The following FBXO31 variants were observed in gnomAD, a reference collection of about 807,000 sequenced individuals.
The protein encoded by FBXO31 is F-box protein 31, also known as F-box only protein 31.
FBXO31 carries 24 observed loss-of-function variants against 54.4 expected under a neutral mutation model. The ratio of observed to expected loss-of-function variants is 0.44; its 90% CI spans 0.32 to 0.62. The LOEUF is 0.62. FBXO31 is among the 20% of genes least tolerant of loss of function. The pLI, the probability that FBXO31 is intolerant of heterozygous loss-of-function variation, is 0.05. For synonymous variants in FBXO31, 388 were observed against 335.6 expected, an observed-to-expected ratio of 1.16 and a Z score of -1.71; for missense variants, 665 against 787.1, an observed-to-expected ratio of 0.84 and a Z score of 1.86.
At chr16:87,389,809 C>G (rs1907458532) in exon 1 of FBXO31, 1 of 152,106 alleles carries the variant, frequency 6.6e-6, no homozygotes, top group Non-Finnish European at 1.5e-5. Context: ...TGTCCTAGAT[C>G]ATGTGAAGGC....
rs1189125019 is a variant in FBXO31 at position 87,328,255 on chromosome 16, C to G, written c.*3033G>C. 6.6e-6 allele frequency: 1 copy of G among 152,300 alleles called. No individual in the cohort carries two copies. The highest frequency in any genetic ancestry group is 1.5e-5 in the Non-Finnish European group (1 of 68,074). The allele number at this position is 152,300 out of a possible 1,614,324, so 9.4% of individuals were successfully genotyped here. On this transcript the variant is annotated 3_prime_UTR_variant, in exon 9 of 9. Coordinates refer to ENST00000311635, the MANE Select transcript of FBXO31 (RefSeq NM_024735.5). ...AAAAATCTCCAGCTCAGACCCGGTT[C>G]TGCACAAAGCTCAGAATGGAGCGGC...
chr16:87,332,565 T>C (rs1904897415), intron 8 of FBXO31, among the ~76,000 whole-genome samples: 1 of 152,166 alleles, frequency 6.6e-6, no homozygotes, highest in African/African-American at 2.4e-5. Flanking sequence ...TATGCCTCTC[T>C]CTGTAAACCC....
intron 2 of FBXO31, among the ~76,000 whole-genome samples, chr16:87,360,023 C>G (rs1242865951): frequency 6.6e-6 from 1 of 152,196 alleles, no homozygotes; most frequent in Non-Finnish European, 1.5e-5. Context: ...ACACCCAAGT[C>G]GCTCTGGTGC....
rs958009575 is a variant in FBXO31 at position 87,330,376 on chromosome 16, G to A, written c.*912C>T. ...TATGGGCACTCCTGGCACCTGTGTG[G>A]ACCACTCACTGCTTCAGACACACGG... is the stretch of plus-strand genomic sequence containing the variant. On this transcript the variant is annotated 3_prime_UTR_variant, in exon 9 of 9. Transcript: ENST00000311635. 3.3e-5 allele frequency: 5 copies of A among 152,310 alleles called. No individual in the cohort carries two copies. The highest frequency in any genetic ancestry group is 1.2e-4 in the African/African-American group (5 of 41,466). The allele number at this position is 152,310 out of a possible 1,614,324, so 9.4% of individuals were successfully genotyped here. A position where few individuals can be genotyped will look rare whatever the true frequency, so the allele number is the denominator to read the frequency against.
chr16:87,362,958 C>A (rs1049341169), intron 1 of FBXO31, among the ~76,000 whole-genome samples: 32 of 152,242 alleles, frequency 2.1e-4, no homozygotes, highest in African/African-American at 7.7e-4. Context: ...GGACCTTTGT[C>A]CTCCCTTCAG....
intron 1 of FBXO31, among the ~76,000 whole-genome samples, chr16:87,376,800 G>C (rs1312761786): frequency 6.6e-6 from 1 of 152,134 alleles, no homozygotes; most frequent in Non-Finnish European, 1.5e-5. Flanking sequence ...ACAAGGCTGG[G>C]GCCAGCCCTG....
chr16:87,380,660 T>C (rs1477773106), intron 1 of FBXO31, among the ~76,000 whole-genome samples: 5 of 152,352 alleles, frequency 3.3e-5, no homozygotes, highest in Non-Finnish European at 5.9e-5. Flanking sequence ...AGTGTGTTTT[T>C]AATGTCTCAA....
upstream of FBXO31, among the ~76,000 whole-genome samples, chr16:87,388,046 G>A (rs1907385846): frequency 6.6e-6 from 1 of 152,188 alleles, no homozygotes; most frequent in Non-Finnish European, 1.5e-5. Context: ...TATAAACACA[G>A]CAGTCCTACA....
intron 1 of FBXO31, among the ~76,000 whole-genome samples, chr16:87,369,009 G>A (rs987203196): frequency 1.3e-5 from 2 of 151,924 alleles, no homozygotes; most frequent in Non-Finnish European, 2.9e-5. Flanking sequence ...GCCATGTCTC[G>A]AACTCCTGAC....
chr16:87,342,564 A>G (rs1268238588), intron 5 of FBXO31, among the ~76,000 whole-genome samples: 1 of 152,186 alleles, frequency 6.6e-6, no homozygotes, highest in African/African-American at 2.4e-5. Context: ...ACATCCTAGA[A>G]GCAGCCTCCC....
chr16:87,340,343 CAT>C (rs772781032), intron 5 of FBXO31, among the ~76,000 whole-genome samples: 2 of 152,212 alleles, frequency 1.3e-5, no homozygotes, highest in Non-Finnish European at 2.9e-5. Flanking sequence ...TGTGGACAGA[CAT>C]ATGGATCAGA....
At chr16:87,377,926 G>C (rs1403111109) in intron 1 of FBXO31, among the ~76,000 whole-genome samples, 2 of 152,034 alleles carry the variant, frequency 1.3e-5, no homozygotes, top group African/African-American at 2.4e-5. Flanking sequence ...GGGAGCCCGA[G>C]GCAGGCGGAT....
chr16:87,358,520 G>C lies in FBXO31; in HGVS notation c.412+1775C>G, dbSNP rs1468298443. ...TACCTGAACAGACACAGCAGGGAAA[G>C]GGCTAAGGATGGCTCCCTTTACAGG... On this transcript the variant is annotated intron_variant, in intron 2 of 8. Transcript: ENST00000311635. This position sits in a 1 kb window ranked among gnomAD's most constrained non-coding sequence, Gnocchi z 4.0. The C allele has an allele frequency of 6.5e-6, 1 of 152,712 alleles. No individual in the cohort carries two copies. The highest frequency in any genetic ancestry group is 1.5e-5 in the Non-Finnish European group (1 of 68,076). The allele number at this position is 152,712 out of a possible 1,614,324, so 9.5% of individuals were successfully genotyped here. A position where few individuals can be genotyped will look rare whatever the true frequency, so the allele number is the denominator to read the frequency against.
At chr16:87,381,978 G>A (rs1293392287) in intron 1 of FBXO31, among the ~76,000 whole-genome samples, 2 of 151,298 alleles carry the variant, frequency 1.3e-5, no homozygotes, top group Non-Finnish European at 2.9e-5. Context: ...AGCCAAGACC[G>A]CGCCACTGCA....
chr16:87,331,743 G>A (rs773008993), intron 8 of FBXO31, among the ~76,000 whole-genome samples: 5 of 152,348 alleles, frequency 3.3e-5, no homozygotes, highest in African/African-American at 7.2e-5. Context: ...GATGATGGAC[G>A]CAGAGGCCAG....
rs990636721 is a variant in FBXO31, at chr16:87,345,113, C to T, written c.490-1348G>A. ...CCTGGAAGAACCTGTGCAGAGGCCA[C>T]GGGGAGACAGACACACCCGCCCTCG... is the stretch of plus-strand genomic sequence containing the variant. On this transcript the variant is annotated intron_variant, in intron 3 of 8. Coordinates refer to ENST00000311635, the MANE Select transcript of FBXO31 (RefSeq NM_024735.5). The surrounding 1 kb of genome is among the most constrained non-coding windows in gnomAD (Gnocchi z 4.9). 3.3e-5 allele frequency among the ~76,000 whole-genome samples: 5 copies of T among 152,198 alleles called. No individual in the cohort carries two copies. Among genetic ancestry groups the T allele is most frequent in the Non-Finnish European group, 5.9e-5 (4 of 68,046 alleles).
chr16:87,360,489 A>G, intron 1 of FBXO31, 123 bp from the exon 2 acceptor site: 1 of 745,304 alleles, frequency 1.3e-6, no homozygotes. Context: ...TCCAGAGTGC[A>G]TCTGTCACTG....
chr16:87,351,961 T>C (rs1567620316), intron 2 of FBXO31, among the ~76,000 whole-genome samples: 1 of 152,088 alleles, frequency 6.6e-6, no homozygotes, highest in Non-Finnish European at 1.5e-5. Context: ...CGCGTCAGAA[T>C]CACTAGGGAC....
chr16:87,392,050 G>A (rs1055012883), upstream of FBXO31: 8 of 199,472 alleles, frequency 4.0e-5, no homozygotes, highest in African/African-American at 1.6e-4. Flanking sequence ...AGCGCCCACA[G>A]ACCCGGGGTG....
Sources: gnomAD v4.1 joint callset for allele counts (sites outside exome capture counted in the v4.1 genomes callset) on GRCh38, gnomAD v4.1.1 for gene constraint, Gnocchi (gnomAD v3.1) non-coding constraint, MANE v1.5 for transcripts, NCBI Gene and HGNC (gene_info 2026-07-23, HGNC 2026-07-21) for gene names.